ZBTB7A: variants seen among roughly 807,000 people sequenced by gnomAD.
ZBTB7A encodes the protein zinc finger and BTB domain containing 7A, also known as zinc finger and BTB domain-containing protein 7A.
ZBTB7A carries 7 observed loss-of-function variants against 26.7 expected under a neutral mutation model. That is an observed-to-expected ratio of 0.26 (90% confidence interval 0.15 to 0.49). The LOEUF (loss-of-function observed/expected upper bound fraction) is 0.49, where lower values mean the gene tolerates loss of function less well. Ranked by LOEUF, ZBTB7A falls within the 20% of genes least tolerant of loss-of-function variation. ZBTB7A has a pLI of 0.98. For synonymous variants in ZBTB7A, 452 were observed against 441.0 expected, an observed-to-expected ratio of 1.02 and a Z score of -0.31; for missense variants, 617 against 919.5, an observed-to-expected ratio of 0.67 and a Z score of 4.25.
chr19:4,052,701 C>A lies in ZBTB7A; in HGVS notation c.1262+1270G>T, dbSNP rs941613315. Among the ~76,000 whole-genome samples, 4 of 152,192 alleles carry A rather than the reference C, an allele frequency of 2.6e-5. No individual in the cohort carries two copies. The highest frequency in any genetic ancestry group is 4.4e-5 in the Non-Finnish European group (3 of 68,022). On this transcript the variant is annotated intron_variant, in intron 2 of 2. Coordinates refer to ENST00000322357, the MANE Select transcript of ZBTB7A (RefSeq NM_015898.4). The surrounding 1 kb of genome is among the most constrained non-coding windows in gnomAD (Gnocchi z 4.9). ...CAGCCCCCTGCCCCCACCGCTACAG[C>A]CCGCCCCGGATCTACGAGGCCCAGC... is the stretch of plus-strand genomic sequence containing the variant.
chr19:4,061,528 GGCTGCCA>G (rs1042551367), intron 1 of ZBTB7A: 10 of 152,234 alleles, frequency 6.6e-5, no homozygotes, highest in African/African-American at 1.7e-4. Flanking sequence ...GGCCTGGGGT[GGCTGCCA>G]GCTGCCAGCC....
Position 4,054,173 on chromosome 19 carries a change from T to C in ZBTB7A, c.1060A>G (p.Lys354Glu), listed in dbSNP as rs755762528. 6.2e-7 allele frequency: 1 copy of C among 1,600,450 alleles called. No individual in the cohort carries two copies. The highest frequency in any genetic ancestry group is 1.1e-5 in the South Asian group (1 of 90,990). Residue 354 changes from lysine to glutamate, a missense_variant, in exon 2 of 3, where the codon AAG becomes GAG. Transcript: ENST00000322357. ...CCGTCGTGGGCGCCGCTGAAGTACT[T>C]CAGGTAGTAGTCCATGACGCCCTTG... ...DDKGVMDYYL[K>E]YFSGAHDGDV...
Position 4,047,696 on chromosome 19 carries a change from T to G in ZBTB7A, c.*56A>C. The stretch of plus-strand genomic sequence containing the variant: ...TTTTTGGGGGGGTGGTGGGTGATTT[T>G]TTTTCTCTCTCTCTGTCTCTCTCTT... On this transcript the variant is annotated 3_prime_UTR_variant, in exon 3 of 3. Transcript: ENST00000322357. 1 of 1,542,912 alleles carries G rather than the reference T, an allele frequency of 6.5e-7. No individual in the cohort carries two copies. Among genetic ancestry groups the G allele is most frequent in the Non-Finnish European group, 8.7e-7 (1 of 1,149,708 alleles).
chr19:4,045,584 CG>C lies in ZBTB7A; in HGVS notation c.*2167del, dbSNP rs772846405. 1.9e-4 allele frequency: 46 copies of C among 244,364 alleles called. No individual in the cohort carries two copies. The highest frequency in any genetic ancestry group is 2.8e-4 in the Non-Finnish European group (38 of 136,186). 15.1% of individuals were successfully genotyped at this position (244,364 alleles called of 1,614,324 possible). On this transcript the variant is annotated 3_prime_UTR_variant, in exon 3 of 3. Transcript: ENST00000322357. The surrounding 1 kb of genome is among the most constrained non-coding windows in gnomAD (Gnocchi z 4.1). ...CCTTTAACAATGAAAGAAAAAGAGA[CG>C]AGAAGATGTGTGTGTCACAGAGAAG...
At chr19:4,063,329 G>C (rs761033262) in intron 1 of ZBTB7A, among the ~76,000 whole-genome samples, 1 of 152,204 alleles carries the variant, frequency 6.6e-6, no homozygotes, top group Non-Finnish European at 1.5e-5. Flanking sequence ...AACCCTTGAG[G>C]AGCCCTCCTT....
chr19:4,053,726 G>A (rs968047444), intron 2 of ZBTB7A, among the ~76,000 whole-genome samples: 1 of 151,706 alleles, frequency 6.6e-6, no homozygotes, highest in Non-Finnish European at 1.5e-5. Context: ...CGTGGCATAC[G>A]CGTCTGTGCA....
In ZBTB7A at chr19:4,047,661, T is replaced by C; in HGVS notation, c.*91A>G. 2 of 1,434,006 alleles carry C rather than the reference T, an allele frequency of 1.4e-6. No homozygotes were observed. The highest frequency in any genetic ancestry group is 1.9e-6 in the Non-Finnish European group (2 of 1,072,276). 88.8% of individuals were successfully genotyped at this position (1,434,006 alleles called of 1,614,324 possible). A position where few individuals can be genotyped will look rare whatever the true frequency, so the allele number is the denominator to read the frequency against. On this transcript the variant is annotated 3_prime_UTR_variant, in exon 3 of 3. Coordinates refer to ENST00000322357, the MANE Select transcript of ZBTB7A (RefSeq NM_015898.4). ...GATATCTGTATATAGATAGATTTTCTTTTTTTGTGTTTTTGGGGGGGTGGT... is the reference window on the plus strand; with the variant it reads ...GATATCTGTATATAGATAGATTTTCCTTTTTTGTGTTTTTGGGGGGGTGGT...
In ZBTB7A at chr19:4,045,995, T is replaced by C. The variant is rs1181207354; in HGVS notation, c.*1757A>G. ...TAGGCGCATCCAAGGTCCAGCTCCTTGGTGGCCATGCGGGAGGGACAGGCG... is the reference window on the plus strand; with the variant it reads ...TAGGCGCATCCAAGGTCCAGCTCCTCGGTGGCCATGCGGGAGGGACAGGCG... On this transcript the variant is annotated 3_prime_UTR_variant, in exon 3 of 3. Transcript: ENST00000322357. The surrounding 1 kb of genome is among the most constrained non-coding windows in gnomAD (Gnocchi z 4.1). 1 of 397,030 alleles carries C rather than the reference T, an allele frequency of 2.5e-6. No homozygotes were observed. Among genetic ancestry groups the C allele is most frequent in the African/African-American group, 2.1e-5 (1 of 48,054 alleles). 24.6% of individuals were successfully genotyped at this position (397,030 alleles called of 1,614,324 possible).
At chr19:4,053,809 G>A (rs565325534) in intron 2 of ZBTB7A, among the ~76,000 whole-genome samples, 162 bp downstream of exon 2, 8 of 151,776 alleles carry the variant, frequency 5.3e-5, no homozygotes, top group South Asian at 2.1e-4. Flanking sequence ...TGTAGGTGAC[G>A]TGCATGTGTC....
At chr19:4,063,485 G>A (rs2040660354) in intron 1 of ZBTB7A, among the ~76,000 whole-genome samples, 1 of 152,212 alleles carries the variant, frequency 6.6e-6, no homozygotes, top group South Asian at 2.1e-4. Flanking sequence ...TCGTATGCAC[G>A]TGCGCCAGCC....
At position 4,054,774 on chromosome 19, in the gene ZBTB7A, G is replaced by T. The variant is rs558338422; in HGVS notation, c.459C>A (p.Asn153Lys). Residue 153 changes from asparagine (N) to lysine (K), a missense_variant, in exon 2 of 3, where the codon AAC (asparagine) becomes AAA (lysine). By Grantham distance (94) the Asn-to-Lys change is moderately conservative. This residue lies in a region of ZBTB7A where 331 missense variants were observed against 391.3 expected (regional missense o/e 0.85). Coordinates refer to ENST00000322357, the MANE Select transcript of ZBTB7A (RefSeq NM_015898.4). ...CGAGGTACTCCTTGGCGCGGAGGAGGTTGCGCTGATCAATTTGATCTACAA... is the reference window on the plus strand; with the variant it reads ...CGAGGTACTCCTTGGCGCGGAGGAGTTTGCGCTGATCAATTTGATCTACAA... ...LDLVDQIDQR[N>K]LLRAKEYLEF... 6.3e-7 allele frequency: 1 copy of T among 1,578,274 alleles called. No homozygotes were observed. The highest frequency in any genetic ancestry group is 1.1e-5 in the South Asian group (1 of 87,196).
Position 4,058,435 on chromosome 19 carries a change from C to T in ZBTB7A, c.-15-3188G>A, listed in dbSNP as rs537200941. ...ACTGTGTCTGTCCCACCCCTTTCTC[C>T]CCCTCCCTTTTTTCCGCCTTCCCCT... On this transcript the variant is annotated intron_variant, in intron 1 of 2. Coordinates refer to ENST00000322357, the MANE Select transcript of ZBTB7A (RefSeq NM_015898.4). Among the ~76,000 whole-genome samples the T allele has an allele frequency of 8.7e-4, 86 of 98,340 alleles. 1 individual carries two copies. Among genetic ancestry groups the T allele is most frequent in the South Asian group, 1.0e-3 (3 of 3,006 alleles). The allele number at this position is 98,340 out of a possible 152,430, so 64.5% of individuals were successfully genotyped here.
chr19:4,048,271 G>T lies in ZBTB7A; in HGVS notation c.1263-27C>A. On this transcript the variant is annotated intron_variant, in intron 2 of 2. Coordinates refer to ENST00000322357, the MANE Select transcript of ZBTB7A (RefSeq NM_015898.4). This position sits in a 1 kb window ranked among gnomAD's most constrained non-coding sequence, Gnocchi z 6.7. ...TGTGGACGGGGCACGGGGCGGGCAC[G>T]GTCAGTGGGGCCGGGGACCCCCGAT... 6.5e-7 allele frequency: 1 copy of T among 1,547,838 alleles called. No individual in the cohort carries two copies. Among genetic ancestry groups the T allele is most frequent in the Non-Finnish European group, 8.7e-7 (1 of 1,156,032 alleles).
intron 1 of ZBTB7A, 132 bp from the exon 2 acceptor site, chr19:4,055,379 C>T: frequency 2.2e-6 from 3 of 1,393,396 alleles, no homozygotes; most frequent in Non-Finnish European, 9.3e-7. Flanking sequence ...CCCACCTGCA[C>T]GTGAAGGCGG....
chr19:4,060,246 G>A (rs1301223487), intron 1 of ZBTB7A, among the ~76,000 whole-genome samples: 3 of 152,010 alleles, frequency 2.0e-5, no homozygotes, highest in Admixed American at 6.5e-5. Flanking sequence ...TAGTAGGGGC[G>A]CAGCAAACCG....
At position 4,044,031 on chromosome 19, in the gene ZBTB7A, C is replaced by T. The variant is rs1000194530; in HGVS notation, c.*3721G>A. 5.9e-5 allele frequency among the ~76,000 whole-genome samples: 9 copies of T among 151,794 alleles called. No individual in the cohort carries two copies. Among genetic ancestry groups the T allele is most frequent in the Non-Finnish European group, 1.2e-4 (8 of 67,914 alleles). ...TCTTGCCTCCAACCATTCTGGTTGC[C>T]GGGCGGGAGGGGGCACCCCGAGGCC... On this transcript the variant is annotated 3_prime_UTR_variant, in exon 3 of 3. Coordinates refer to ENST00000322357, the MANE Select transcript of ZBTB7A (RefSeq NM_015898.4).
chr19:4,050,897 G>A (rs1372775922), intron 2 of ZBTB7A, among the ~76,000 whole-genome samples: 4 of 151,822 alleles, frequency 2.6e-5, no homozygotes, highest in African/African-American at 4.8e-5. Flanking sequence ...TCAGGAGTTC[G>A]AGACCAGCCT....
At chr19:4,059,303 G>C (rs868623311) in intron 1 of ZBTB7A, among the ~76,000 whole-genome samples, 6 of 152,108 alleles carry the variant, frequency 3.9e-5, no homozygotes, top group African/African-American at 1.4e-4. Flanking sequence ...CTGGAGGATG[G>C]GCCCAAAATA....
rs1209085062 is a variant in ZBTB7A, at chr19:4,046,671, C to A, written c.*1081G>T. The A allele has an allele frequency of 6.7e-6, 1 of 149,390 alleles. No individual in the cohort carries two copies. Among genetic ancestry groups the A allele is most frequent in the African/African-American group, 2.5e-5 (1 of 40,672 alleles). The allele number at this position is 149,390 out of a possible 1,614,324, so 9.3% of individuals were successfully genotyped here. ...TGGAATTTGTGGATTTTCTCTCTCT[C>A]CCCCCATCCCTGCCATCACCAGACC... On this transcript the variant is annotated 3_prime_UTR_variant, in exon 3 of 3. Coordinates refer to ENST00000322357, the MANE Select transcript of ZBTB7A (RefSeq NM_015898.4).
Sources: gnomAD v4.1 joint callset for allele counts (sites outside exome capture counted in the v4.1 genomes callset) on GRCh38, gnomAD v4.1.1 for gene constraint, gnomAD v4.1.1 regional missense constraint, Gnocchi (gnomAD v3.1) non-coding constraint, MANE v1.5 for transcripts, NCBI Gene and HGNC (gene_info 2026-07-23, HGNC 2026-07-21) for gene names.